DPYD: variants seen among roughly 807,000 people sequenced by gnomAD.
DPYD encodes dihydropyrimidine dehydrogenase [NADP(+)].
A neutral mutation model predicts 116.2 loss-of-function variants in DPYD; 109 were observed. The ratio of observed to expected loss-of-function variants is 0.94; its 90% CI spans 0.80 to 1.10. DPYD has a LOEUF of 1.10. Ranked by LOEUF, DPYD falls within the 50% of genes least tolerant of loss-of-function variation. The pLI, the probability that DPYD is intolerant of heterozygous loss-of-function variation, is 0.00. For synonymous variants in DPYD, 440 were observed against 432.0 expected (o/e 1.02, Z -0.23); for missense variants, 1,302 against 1,254.5 (o/e 1.04, Z -0.57).
At chr1:97,788,786 C>T (rs1667171833) in intron 3 of DPYD, among the ~76,000 whole-genome samples, 1 of 152,134 alleles carries the variant, frequency 6.6e-6, no homozygotes, top group Admixed American at 6.5e-5. Flanking sequence ...GGCAAAAATA[C>T]AAGCTGTATT....
chr1:97,546,467 A>T lies in DPYD; in HGVS notation c.1524+3093T>A, dbSNP rs146407346. ...GAGAAAGATGATGGTAGTGACAGAGACTCTGATAGAGAGCAAGATGAAAAA... is the reference window on the plus strand; with the variant it reads ...GAGAAAGATGATGGTAGTGACAGAGTCTCTGATAGAGAGCAAGATGAAAAA... On this transcript the variant is annotated intron_variant, in intron 12 of 22. Coordinates refer to ENST00000370192, the MANE Select transcript of DPYD (RefSeq NM_000110.4). 2.0e-4 allele frequency: 316 copies of T among 1,604,028 alleles called. 3 individuals carry two copies. The East Asian group carries it at 6.9e-3, about 35-fold the overall frequency.
intron 3 of DPYD, among the ~76,000 whole-genome samples, chr1:97,821,098 AG>A (rs1296588925): frequency 3.9e-5 from 6 of 152,070 alleles, no homozygotes; most frequent in African/African-American, 1.4e-4. Flanking sequence ...TTGGAGGCCG[AG>A]GAGGGCAGAT....
chr1:97,336,559 G>A (rs1458188005), intron 16 of DPYD, among the ~76,000 whole-genome samples: 1 of 152,164 alleles, frequency 6.6e-6, no homozygotes, highest in East Asian at 1.9e-4. Flanking sequence ...GACCAGCCTG[G>A]CCAACAAGGC....
intron 5 of DPYD, among the ~76,000 whole-genome samples, chr1:97,712,493 T>G (rs1428140741): frequency 6.6e-6 from 1 of 152,106 alleles, no homozygotes; most frequent in Non-Finnish European, 1.5e-5. Flanking sequence ...TATAATATTA[T>G]TTGTGTTTCA....
rs1677599581 is a variant in DPYD, at chr1:97,470,716, G to C, written c.1741-20493C>G. On this transcript the variant is annotated intron_variant, in intron 13 of 22. Coordinates refer to ENST00000370192, the MANE Select transcript of DPYD (RefSeq NM_000110.4). Reference sequence around the variant, plus strand: ...AAGAATTATAAGATTTCTGAACTAGGGCCAGGCACAGTGGCTCATGCCTAT... The same window carrying C: ...AAGAATTATAAGATTTCTGAACTAGCGCCAGGCACAGTGGCTCATGCCTAT... Among the ~76,000 whole-genome samples the C allele has an allele frequency of 2.6e-5, 4 of 152,280 alleles. No homozygotes were observed. In the South Asian group the frequency reaches 6.2e-4, roughly 24 times the overall value.
intron 20 of DPYD, among the ~76,000 whole-genome samples, chr1:97,119,469 A>G (rs913594410): frequency 1.4e-4 from 21 of 152,152 alleles, no homozygotes; most frequent in Non-Finnish European, 2.5e-4. Flanking sequence ...ATTGTGTGTC[A>G]TGGGCTGACA....
At chr1:97,273,057 A>G (rs929376470) in intron 18 of DPYD, among the ~76,000 whole-genome samples, 1 of 152,166 alleles carries the variant, frequency 6.6e-6, no homozygotes, top group Admixed American at 6.5e-5. Context: ...GGGTGTTACT[A>G]TAAAATTAAA....
At chr1:97,261,978 T>C (rs1663917801) in intron 18 of DPYD, among the ~76,000 whole-genome samples, 1 of 151,414 alleles carries the variant, frequency 6.6e-6, no homozygotes, top group African/African-American at 2.4e-5. Flanking sequence ...ACTGCCTGAA[T>C]TTTTTTTTGT....
intron 5 of DPYD, among the ~76,000 whole-genome samples, chr1:97,711,939 A>G (rs1434652083): frequency 2.0e-5 from 3 of 152,002 alleles, no homozygotes; most frequent in African/African-American, 7.2e-5. Flanking sequence ...CCTTCCTTCT[A>G]AAGAATAACT....
intron 18 of DPYD, among the ~76,000 whole-genome samples, chr1:97,293,981 C>G (rs979002944): frequency 6.6e-6 from 1 of 151,944 alleles, no homozygotes; most frequent in African/African-American, 2.4e-5. Flanking sequence ...ACTAAATGCT[C>G]CTGCTTGTAT....
intron 11 of DPYD, among the ~76,000 whole-genome samples, chr1:97,572,866 G>A (rs1652992848): frequency 6.6e-6 from 1 of 152,074 alleles, no homozygotes; most frequent in African/African-American, 2.4e-5. Flanking sequence ...ACATTTTCAT[G>A]TATATATCTC....
At chr1:97,225,940 G>GA (rs1183812708) in intron 19 of DPYD, among the ~76,000 whole-genome samples, 2 of 151,530 alleles carry the variant, frequency 1.3e-5, no homozygotes, top group Non-Finnish European at 3.0e-5. Flanking sequence ...GGTACTATAG[G>GA]AAAAAAAGTA....
chr1:97,127,397 T>G (rs1339023605), intron 20 of DPYD, among the ~76,000 whole-genome samples: 1 of 152,164 alleles, frequency 6.6e-6, no homozygotes, highest in Non-Finnish European at 1.5e-5. Flanking sequence ...TAGTAAAAGC[T>G]TCTGTGCAGA....
chr1:97,699,245 C>A, intron 6 of DPYD, 106 bp downstream of exon 6: 10 of 1,137,370 alleles, frequency 8.8e-6, no homozygotes, highest in African/African-American at 1.6e-5. Flanking sequence ...TTTAAAATAC[C>A]ATCTGTGAGC....
At chr1:97,429,440 T>C (rs950901624) in intron 14 of DPYD, among the ~76,000 whole-genome samples, 1 of 152,076 alleles carries the variant, frequency 6.6e-6, no homozygotes, top group Non-Finnish European at 1.5e-5. Context: ...GAAAGAAGTA[T>C]CTTATTTTCT....
At chr1:97,648,865 C>T (rs1658415805) in intron 8 of DPYD, among the ~76,000 whole-genome samples, 1 of 152,008 alleles carries the variant, frequency 6.6e-6, no homozygotes, top group African/African-American at 2.4e-5. Flanking sequence ...TATGTATAAG[C>T]ATACGGCTAC....
intron 4 of DPYD, among the ~76,000 whole-genome samples, chr1:97,726,974 C>T (rs1663299203): frequency 6.6e-6 from 1 of 151,668 alleles, no homozygotes. Context: ...TCTTAACACT[C>T]TCATGACTCT....
intron 8 of DPYD, among the ~76,000 whole-genome samples, chr1:97,634,807 G>A (rs1442253818): frequency 4.6e-5 from 7 of 151,812 alleles, no homozygotes; most frequent in Non-Finnish European, 1.0e-4. Flanking sequence ...TCAGAACAAA[G>A]CCTATTCACT....
chr1:97,325,895 T>G (rs1395612351), intron 16 of DPYD, among the ~76,000 whole-genome samples: 1 of 151,884 alleles, frequency 6.6e-6, no homozygotes, highest in Non-Finnish European at 1.5e-5. Flanking sequence ...GTCCACATGG[T>G]TCAGCTAGAG....
Sources: gnomAD v4.1 joint callset for allele counts (sites outside exome capture counted in the v4.1 genomes callset) on GRCh38, gnomAD v4.1.1 for gene constraint, MANE v1.5 for transcripts, NCBI Gene and HGNC (gene_info 2026-07-23, HGNC 2026-07-21) for gene names.